LRCH4: variants seen among roughly 807,000 people sequenced by gnomAD.
LRCH4 encodes the protein leucine-rich repeat and calponin homology domain-containing protein 4.
In LRCH4, 56 loss-of-function variants were observed where a neutral mutation model predicts 81.2. The ratio of observed to expected loss-of-function variants is 0.69; its 90% CI spans 0.56 to 0.86. The LOEUF (loss-of-function observed/expected upper bound fraction) is 0.86. LRCH4 is among the 40% of genes least tolerant of loss of function. LRCH4 has a pLI of 0.00. For synonymous variants in LRCH4, 442 were observed against 409.7 expected, an observed-to-expected ratio of 1.08 and a Z score of -0.95; for missense variants, 895 against 922.8, an observed-to-expected ratio of 0.97 and a Z score of 0.39.
Position 100,578,966 on chromosome 7 carries a change from T to G in LRCH4, c.599-180A>C. ...TGCTCCTCTCTCCACATGATTCTGG[T>G]CCACGGTCTAAGCGAGCCTCCCTGA... On this transcript the variant is annotated intron_variant, in intron 4 of 17. Transcript: ENST00000310300. This position sits in a 1 kb window ranked among gnomAD's most constrained non-coding sequence, Gnocchi z 5.7. 1 of 642,714 alleles carries G rather than the reference T, an allele frequency of 1.6e-6. No individual in the cohort carries two copies. The highest frequency in any genetic ancestry group is 2.6e-6 in the Non-Finnish European group (1 of 377,890). 39.8% of individuals were successfully genotyped at this position (642,714 alleles called of 1,614,324 possible).
chr7:100,584,730 G>A (rs868321346), intron 1 of LRCH4: 1 of 456,654 alleles, frequency 2.2e-6, no homozygotes, highest in Non-Finnish European at 4.4e-6. Flanking sequence ...GTTTCGACTG[G>A]TTCTCCCCAG....
Position 100,578,800 on chromosome 7 carries a change from G to A in LRCH4, c.599-14C>T, listed in dbSNP as rs760005261. ...GGTCCCCCAGCTCTGGAACAGGTGG[G>A]CAAGGGAAAAGTCAGGAACATGCTC... On this transcript the variant is annotated splice_polypyrimidine_tract_variant and intron_variant, in intron 4 of 17. Coordinates refer to ENST00000310300, the MANE Select transcript of LRCH4 (RefSeq NM_002319.5). The surrounding 1 kb of genome is among the most constrained non-coding windows in gnomAD (Gnocchi z 5.7). The A allele has an allele frequency of 6.2e-7, 1 of 1,611,628 alleles. No individual in the cohort carries two copies. Among genetic ancestry groups the A allele is most frequent in the South Asian group, 1.1e-5 (1 of 90,880 alleles).
rs1171708103 is a variant in LRCH4, at chr7:100,586,101, C to T, written c.-1G>A. The T allele has an allele frequency of 1.3e-6, 2 of 1,520,034 alleles. No homozygotes were observed. Among genetic ancestry groups the T allele is most frequent in the African/African-American group, 1.4e-5 (1 of 71,728 alleles). The allele number at this position is 1,520,034 out of a possible 1,614,324, so 94.2% of individuals were successfully genotyped here. A position where few individuals can be genotyped will look rare whatever the true frequency, so the allele number is the denominator to read the frequency against. ...GTGGAGCCGCTACGGCCGCCGCCATCCGCTCCCGGCGGCTCCCGCTGCCTG... is the reference window on the plus strand; with the variant it reads ...GTGGAGCCGCTACGGCCGCCGCCATTCGCTCCCGGCGGCTCCCGCTGCCTG... On this transcript the variant is annotated 5_prime_UTR_variant, in exon 1 of 18. Coordinates refer to ENST00000310300, the MANE Select transcript of LRCH4 (RefSeq NM_002319.5).
Position 100,578,523 on chromosome 7 carries a change from GCAGCACACGC to G in LRCH4, c.736-22_736-13del. 2 of 1,608,798 alleles carry G rather than the reference GCAGCACACGC, an allele frequency of 1.2e-6. No individual in the cohort carries two copies. Among genetic ancestry groups the G allele is most frequent in the Non-Finnish European group, 1.7e-6 (2 of 1,176,106 alleles). On this transcript the variant is annotated splice_polypyrimidine_tract_variant and intron_variant, in intron 5 of 17. Coordinates refer to ENST00000310300, the MANE Select transcript of LRCH4 (RefSeq NM_002319.5). This position sits in a 1 kb window ranked among gnomAD's most constrained non-coding sequence, Gnocchi z 5.7. The stretch of plus-strand genomic sequence containing the variant: ...CCCTTCAGGCAGACCTGTGTGCGGG[GCAGCACACGC>G]CAGGGAGTTGGCAGGGAGGGCAGCT...
At chr7:100,579,053 G>A (rs193017515) in intron 4 of LRCH4, 4 of 500,680 alleles carry the variant, frequency 8.0e-6, no homozygotes, top group Admixed American at 3.7e-5. Flanking sequence ...GTCAGGTCCC[G>A]CCCAGCCCTG....
At position 100,577,477 on chromosome 7, in the gene LRCH4, A is replaced by G. The variant is rs765530176; in HGVS notation, c.1178+20T>C. The G allele has an allele frequency of 5.0e-6, 8 of 1,606,706 alleles. No homozygotes were observed. The highest frequency in any genetic ancestry group is 6.8e-6 in the Non-Finnish European group (8 of 1,179,894). On this transcript the variant is annotated intron_variant, in intron 10 of 17. Transcript: ENST00000310300. This position sits in a 1 kb window ranked among gnomAD's most constrained non-coding sequence, Gnocchi z 6.7. ...GGTGGGAGGATCGGGCAGTGGCGTCAGTTTGGGGGCTTGGGGTACCTGCTG... is the reference window on the plus strand; with the variant it reads ...GGTGGGAGGATCGGGCAGTGGCGTCGGTTTGGGGGCTTGGGGTACCTGCTG...
At chr7:100,576,166 G>A (rs1801351833) in intron 15 of LRCH4, 72 bp downstream of exon 15, 1 of 1,533,532 alleles carries the variant, frequency 6.5e-7, no homozygotes, top group Admixed American at 1.8e-5. Flanking sequence ...GAGGGAGGCT[G>A]GTCCCAAGGA....
intron 14 of LRCH4, 165 bp downstream of exon 14, chr7:100,576,529 G>A: frequency 1.4e-6 from 1 of 699,382 alleles, no homozygotes; most frequent in Non-Finnish European, 2.4e-6. Context: ...CTCCTAAAGT[G>A]CTGCGATTAC....
chr7:100,580,572 AC>A (rs1674106841), intron 4 of LRCH4: 2 of 151,496 alleles, frequency 1.3e-5, no homozygotes, highest in African/African-American at 2.4e-5. Flanking sequence ...CACAACACAT[AC>A]AACACACACA....
At chr7:100,585,713 G>A (rs1232353099) in intron 1 of LRCH4, among the ~76,000 whole-genome samples, 168 bp downstream of exon 1, 1 of 152,140 alleles carries the variant, frequency 6.6e-6, no homozygotes, top group African/African-American at 2.4e-5. Flanking sequence ...ATTGTCTAGG[G>A]GGTTCTCAAA....
intron 4 of LRCH4, chr7:100,579,014 T>C: frequency 1.8e-6 from 1 of 555,020 alleles, no homozygotes; most frequent in Non-Finnish European, 3.2e-6. Flanking sequence ...GGACGTCAGC[T>C]CAGCTTCCCC....
rs1193775558 is a variant in LRCH4 at position 100,581,867 on chromosome 7, C to G, written c.508G>C (p.Glu170Gln). 1 of 1,614,114 alleles carries G rather than the reference C, an allele frequency of 6.2e-7. No individual in the cohort carries two copies. Among genetic ancestry groups the G allele is most frequent in the South Asian group, 1.1e-5 (1 of 91,074 alleles). Residue 170 changes from glutamate (E) to glutamine (Q), a missense_variant, in exon 4 of 18, where the codon GAG (glutamate) becomes CAG (glutamine). Physicochemically the swap from Glu to Gln is conservative, Grantham distance 29. Coordinates refer to ENST00000310300, the MANE Select transcript of LRCH4 (RefSeq NM_002319.5). ...AGTTCCGAGGGCAGGGATTGGAGCT[C>G]GTTGCTGCTCACGTCCTGGTATCAG... The part of the protein sequence containing the change: ...SLRQLDVSSN[E>Q]LQSLPSELCG...
Position 100,577,450 on chromosome 7 carries a change from G to A in LRCH4, c.1178+47C>T, listed in dbSNP as rs377462433. ...CGGGGTCAGGGAAGGAGGCGGTTGG[G>A]GGGTGGGAGGATCGGGCAGTGGCGT... On this transcript the variant is annotated intron_variant, in intron 10 of 17. Transcript: ENST00000310300. This position sits in a 1 kb window ranked among gnomAD's most constrained non-coding sequence, Gnocchi z 6.7. 1.0e-5 allele frequency: 16 copies of A among 1,602,628 alleles called. No individual in the cohort carries two copies. The highest frequency in any genetic ancestry group is 1.4e-5 in the Non-Finnish European group (16 of 1,179,814).
At position 100,585,887 on chromosome 7, in the gene LRCH4, G is replaced by A; in HGVS notation, c.214C>T (p.Gln72Ter). ...GGGGCCCGGCTGCACTCACCAGCCT[G>A]GGTGATGTCTGACAGGTCGTAGCTA... Reference protein sequence around the residue: ...ARSYDLSDITQADLSRNRFPE... With the variant: ...ARSYDLSDIT Residue 72 changes from glutamine to a stop codon, truncating the protein, a stop_gained, in exon 1 of 18, where the codon CAG becomes TAG. Transcript: ENST00000310300. LOFTEE classifies it high-confidence loss of function. 1 of 1,605,386 alleles carries A rather than the reference G, an allele frequency of 6.2e-7. No individual in the cohort carries two copies.
Position 100,576,920 on chromosome 7 carries a change from G to C in LRCH4, c.1450C>G (p.Leu484Val). ...GTCCCACCTGGTCCAGCTATGGGAA[G>C]GGGCTCTTGGGAGGCAGGGGCAGGG... ...PAPAPASQEP[L>V]PIAGPATAPA... is the part of the protein sequence containing the mutation. The change falls in exon 13 of 18, where the codon CTT (leucine) becomes GTT (valine). Residue 484 changes from leucine to valine, a missense_variant. Leu to Val is a conservative substitution (Grantham distance 32). Transcript: ENST00000310300. 6.4e-7 allele frequency: 1 copy of C among 1,559,548 alleles called. No homozygotes were observed. The highest frequency in any genetic ancestry group is 8.7e-7 in the Non-Finnish European group (1 of 1,150,162).
rs553618755 is a variant in LRCH4, at chr7:100,575,423, C to T, written c.1855-119G>A. On this transcript the variant is annotated intron_variant, in intron 17 of 17. Coordinates refer to ENST00000310300, the MANE Select transcript of LRCH4 (RefSeq NM_002319.5). This position sits in a 1 kb window ranked among gnomAD's most constrained non-coding sequence, Gnocchi z 5.3. ...GGCCAGAACCACGCCCACATGCTGA[C>T]GTGCTGGGCAGGGGGAGTGCAGTGC... 9.3e-5 allele frequency: 92 copies of T among 991,812 alleles called. No homozygotes were observed. Among genetic ancestry groups the T allele is most frequent in the Non-Finnish European group, 1.2e-4 (78 of 656,512 alleles). 61.4% of individuals were successfully genotyped at this position (991,812 alleles called of 1,614,324 possible).
chr7:100,576,460 C>A, intron 14 of LRCH4, 137 bp from the exon 15 acceptor site: 1 of 686,042 alleles, frequency 1.5e-6, no homozygotes. Context: ...GATGGGGTCT[C>A]GCTATGTTGC....
At position 100,578,433 on chromosome 7, in the gene LRCH4, G is replaced by T. The variant is rs779591158; in HGVS notation, c.814C>A (p.Leu272Met). The change falls in exon 6 of 18, where the codon CTG becomes ATG. Residue 272 changes from leucine (L) to methionine (M), a missense_variant. Coordinates refer to ENST00000310300, the MANE Select transcript of LRCH4 (RefSeq NM_002319.5). This position sits in a 1 kb window ranked among gnomAD's most constrained non-coding sequence, Gnocchi z 5.7. ...AAACTCGGGGGCCGAGAAGGGGCCAGGTCCCCCAGGGCCGACCCACGCTGC... is the reference window on the plus strand; with the variant it reads ...AAACTCGGGGGCCGAGAAGGGGCCATGTCCCCCAGGGCCGACCCACGCTGC... ...AGQRGSALGD[L>M]APSRPPSFSP... 2 of 1,614,026 alleles carry T rather than the reference G, an allele frequency of 1.2e-6. No homozygotes were observed. The highest frequency in any genetic ancestry group is 1.7e-6 in the Non-Finnish European group (2 of 1,179,974).
intron 1 of LRCH4, chr7:100,584,768 C>T (rs1224910461): frequency 2.2e-6 from 1 of 456,638 alleles, no homozygotes; most frequent in Non-Finnish European, 4.4e-6. Flanking sequence ...GTGCCAGTGC[C>T]GGCCTGAGTG....
Sources: gnomAD v4.1 joint callset for allele counts (sites outside exome capture counted in the v4.1 genomes callset) on GRCh38, gnomAD v4.1.1 for gene constraint, Gnocchi (gnomAD v3.1) non-coding constraint, MANE v1.5 for transcripts, NCBI Gene and HGNC (gene_info 2026-07-23, HGNC 2026-07-21) for gene names.